Variants in SMARCA1 observed in about 807,000 individuals in gnomAD.
SMARCA1 encodes SWI/SNF-related matrix-associated actin-dependent regulator of chromatin subfamily A member 1.
In SMARCA1, 17 loss-of-function variants were observed where a neutral mutation model predicts 93.6. The ratio of observed to expected loss-of-function variants is 0.18; its 90% CI spans 0.12 to 0.27. SMARCA1 has a LOEUF of 0.27. Among genes scored for constraint, SMARCA1 ranks in the 10% least tolerant of loss-of-function variants. The probability of loss-of-function intolerance (pLI) is 1.00; values close to 1 mark genes in which losing one functional copy is unlikely to be tolerated. For synonymous variants in SMARCA1, 271 were observed against 271.4 expected (o/e 1.00, Z 0.01); for missense variants, 630 against 819.0 (o/e 0.77, Z 2.82).
chrX:129,500,102 G>A (rs1485001077), intron 9 of SMARCA1, among the ~76,000 whole-genome samples: 4 of 99,811 alleles, frequency 4.0e-5, no homozygotes, highest in Non-Finnish European at 7.9e-5. Context: ...ATTGGTTGCT[G>A]AATAAGCACC....
chrX:129,450,902 C>CA (rs200998232), intron 23 of SMARCA1, among the ~76,000 whole-genome samples: 11 of 108,899 alleles, frequency 1.0e-4, no homozygotes, highest in Admixed American at 3.9e-4. Context: ...AAATAAAATC[C>CA]AAAAAAAATG....
chrX:129,477,007 C>T (rs1378611754), intron 19 of SMARCA1, among the ~76,000 whole-genome samples: 1 of 111,642 alleles, frequency 9.0e-6, no homozygotes. Context: ...TTATTTGTCA[C>T]CTAAATCCTC....
intron 12 of SMARCA1, among the ~76,000 whole-genome samples, chrX:129,493,959 T>A (rs1277170153): frequency 9.0e-6 from 1 of 111,419 alleles, no homozygotes; most frequent in Non-Finnish European, 1.9e-5. Context: ...AAGTAAGGAA[T>A]CAAACGTGGT....
chrX:129,491,803 T>C, intron 14 of SMARCA1, 138 bp downstream of exon 14: 1 of 391,817 alleles, frequency 2.6e-6, no homozygotes, highest in Non-Finnish European at 4.3e-6. Flanking sequence ...CAACTGTGTT[T>C]TCCAGGATAA....
rs35899125 is a variant in SMARCA1 at position 129,486,810 on chromosome X, T to TTGATGATGATGA, written c.2217+196_2217+207dup. Among the ~76,000 whole-genome samples the TTGATGATGATGA allele has an allele frequency of 2.3e-4, 24 of 106,512 alleles. No individual in the cohort carries two copies. The East Asian group carries it at 7.1e-3, about 32-fold the overall frequency. The allele number at this position is 106,512 out of a possible 115,157, so 92.5% of individuals were successfully genotyped here. Reference sequence around the variant, plus strand: ...GCAGCAGCAGCAGCAACAGCAAAAATTGATGATGATGATGATGATGATGAT... The same window carrying TTGATGATGATGA: ...GCAGCAGCAGCAGCAACAGCAAAAATTGATGATGATGATGATGATGATGATGATGATGATGAT... On this transcript the variant is annotated intron_variant, in intron 17 of 24. Transcript: ENST00000371121.
chrX:129,447,351 A>C (rs1480583311), intron 24 of SMARCA1, 118 bp from the exon 25 acceptor site: 4 of 736,794 alleles, frequency 5.4e-6, no homozygotes, highest in Non-Finnish European at 5.6e-6. Context: ...TATTCACTTA[A>C]ATGTTATATT....
At chrX:129,447,361 TCA>T (rs1780016616) in intron 24 of SMARCA1, 128 bp from the exon 25 acceptor site, 6 of 671,770 alleles carry the variant, frequency 8.9e-6, no homozygotes, top group Non-Finnish European at 1.3e-5. Flanking sequence ...AATGTTATAT[TCA>T]CAGTTAATGT....
chrX:129,491,992 C>T lies in SMARCA1; in HGVS notation c.1764G>A (p.Val588=). Residue 588 remains valine (V), a synonymous_variant, in exon 14 of 25, where the codon GTG becomes GTA. Coordinates refer to ENST00000371121, the MANE Select transcript of SMARCA1 (RefSeq NM_001282874.2). Reference sequence around the variant, plus strand: ...TCCAGTCTGAATCATATAGTATAACCACATCAGCACTTGCCAGGTTAATTC... The same window carrying T: ...TCCAGTCTGAATCATATAGTATAACTACATCAGCACTTGCCAGGTTAATTC... ...GLGINLASAD[V]VILYDSDWNP... 1 of 1,198,107 alleles carries T rather than the reference C, an allele frequency of 8.3e-7. No homozygotes were observed. The highest frequency in any genetic ancestry group is 1.1e-6 in the Non-Finnish European group (1 of 884,059).
rs1933916410 is a variant in SMARCA1, at chrX:129,486,919, G to C, written c.2217+99C>G. On this transcript the variant is annotated intron_variant, in intron 17 of 24. Transcript: ENST00000371121. ...TAGACCTATATCAAATTTCACTCTA[G>C]AGCAGGGTATTATAATAGGTAAGTG... is the stretch of plus-strand genomic sequence containing the variant. 19 of 652,958 alleles carry C rather than the reference G, an allele frequency of 2.9e-5. No homozygotes were observed. In the South Asian group the frequency reaches 6.2e-4, roughly 21 times the overall value. The allele number at this position is 652,958 out of a possible 1,213,427, so 53.8% of individuals were successfully genotyped here.
intron 19 of SMARCA1, among the ~76,000 whole-genome samples, chrX:129,472,795 C>T (rs1313857123): frequency 8.9e-6 from 1 of 111,757 alleles, no homozygotes; most frequent in Non-Finnish European, 1.9e-5. Flanking sequence ...CTTGAGAATC[C>T]GAAATCCAAA....
In SMARCA1 at chrX:129,504,335, G is replaced by A. The variant is rs140603798; in HGVS notation, c.1167+399C>T. On this transcript the variant is annotated intron_variant, in intron 9 of 24. Coordinates refer to ENST00000371121, the MANE Select transcript of SMARCA1 (RefSeq NM_001282874.2). ...GGGTGGAGGATAAAACTGCAAGACA[G>A]CTTAGGCTTCAAAGGAAGAGCTTTA... Among the ~76,000 whole-genome samples the A allele has an allele frequency of 1.8e-3, 195 of 110,483 alleles. 3 individuals are homozygous for A. The East Asian group carries it at 0.048, about 27-fold the overall frequency.
In SMARCA1 at chrX:129,506,340, C is replaced by T. The variant is rs1042809115; in HGVS notation, c.967-129G>A. 7.9e-6 allele frequency: 4 copies of T among 506,853 alleles called. No homozygotes were observed. The African/African-American group carries it at 9.5e-5, about 12-fold the overall frequency. The allele number at this position is 506,853 out of a possible 1,213,427, so 41.8% of individuals were successfully genotyped here. A position where few individuals can be genotyped will look rare whatever the true frequency, so the allele number is the denominator to read the frequency against. The stretch of plus-strand genomic sequence containing the variant: ...CTTGAAAATTTTCTATGGAAAAATA[C>T]CCTAGTTCAGGTGACAATGCTGCAG... On this transcript the variant is annotated intron_variant, in intron 7 of 24. Transcript: ENST00000371121.
At chrX:129,512,048 G>T in intron 5 of SMARCA1, 65 bp from the exon 6 acceptor site, 2 of 880,229 alleles carry the variant, frequency 2.3e-6, no homozygotes, top group South Asian at 2.6e-5. Flanking sequence ...ATTTTGTTAG[G>T]AACAACATAA....
intron 19 of SMARCA1, among the ~76,000 whole-genome samples, chrX:129,472,788 G>C (rs144270947): frequency 1.9e-3 from 218 of 112,071 alleles, no homozygotes; most frequent in Non-Finnish European, 3.4e-3. Context: ...TTTCTAACTT[G>C]AGAATCCGAA....
intron 23 of SMARCA1, among the ~76,000 whole-genome samples, chrX:129,460,341 G>T (rs1170110288): frequency 9.1e-6 from 1 of 109,529 alleles, no homozygotes; most frequent in Non-Finnish European, 1.9e-5. Context: ...TACTAAGAAT[G>T]TAATGCTCTA....
rs139667734 is a variant in SMARCA1, at chrX:129,494,793, A to T, written c.1627-1718T>A. ...GAATTACAGCTACTGAGGCTCAGAG[A>T]ATTAAATGGCTTGCACACGCTGCAA... On this transcript the variant is annotated intron_variant, in intron 12 of 24. Coordinates refer to ENST00000371121, the MANE Select transcript of SMARCA1 (RefSeq NM_001282874.2). Among the ~76,000 whole-genome samples the T allele has an allele frequency of 7.0e-3, 784 of 112,242 alleles. 5 individuals are homozygous for T. Among genetic ancestry groups the T allele is most frequent in the Non-Finnish European group, 0.012 (636 of 53,235 alleles).
chrX:129,518,266 A>G lies in SMARCA1; in HGVS notation c.261+95T>C, dbSNP rs1935270766. 2.2e-5 allele frequency: 9 copies of G among 414,439 alleles called. No individual in the cohort carries two copies. The South Asian group carries it at 4.2e-4, about 19-fold the overall frequency. The allele number at this position is 414,439 out of a possible 1,213,427, so 34.2% of individuals were successfully genotyped here. On this transcript the variant is annotated intron_variant, in intron 2 of 24. Transcript: ENST00000371121. ...CCAATTCTAAAATCAATGATTCTCT[A>G]TGCATTATATATATACATGTATTTT...
intron 5 of SMARCA1, among the ~76,000 whole-genome samples, chrX:129,514,956 A>G (rs1935143472): frequency 9.0e-6 from 1 of 111,431 alleles, no homozygotes; most frequent in South Asian, 3.8e-4. Flanking sequence ...AGACTGAGAC[A>G]GAGAATTGCT....
chrX:129,469,558 T>C (rs759809706), intron 20 of SMARCA1, among the ~76,000 whole-genome samples: 14 of 112,090 alleles, frequency 1.2e-4, no homozygotes, highest in Non-Finnish European at 2.4e-4. Context: ...CTTCCACTCC[T>C]CGAGCCCCAA....
Sources: gnomAD v4.1 joint callset for allele counts (sites outside exome capture counted in the v4.1 genomes callset) on GRCh38, gnomAD v4.1.1 for gene constraint, MANE v1.5 for transcripts, NCBI Gene and HGNC (gene_info 2026-07-23, HGNC 2026-07-21) for gene names.